Variants in RAB28 observed in about 807,000 individuals in gnomAD.
RAB28 encodes the protein RAB28, member RAS oncogene family, also known as ras-related protein Rab-28.
Under a neutral mutation model 31.7 loss-of-function variants are expected in RAB28, and 24 were observed. The observed-to-expected ratio is 0.76, with a 90% CI of 0.55 to 1.06. The LOEUF is 1.06. Ranked by LOEUF, RAB28 falls within the 50% of genes least tolerant of loss-of-function variation. RAB28 has a pLI of 0.00. For missense variants in RAB28, 254 were observed against 258.5 expected (o/e 0.98, Z 0.12); for synonymous variants, 100 against 90.4 (o/e 1.11, Z -0.60).
intron 4 of RAB28, among the ~76,000 whole-genome samples, chr4:13,391,305 C>T (rs964728874): frequency 1.3e-5 from 2 of 152,194 alleles, no homozygotes; most frequent in Admixed American, 6.5e-5. Flanking sequence ...CATGAAAAAA[C>T]GCTCATCATC....
At chr4:13,371,437 TTAAGTC>T in intron 6 of RAB28, 1 of 985,338 alleles carries the variant, frequency 1.0e-6, no homozygotes, top group Non-Finnish European at 1.2e-6. Flanking sequence ...AAATGTTGGT[TTAAGTC>T]TTATCCTATA....
intron 4 of RAB28, among the ~76,000 whole-genome samples, chr4:13,433,345 A>C (rs1057014917): frequency 1.3e-5 from 2 of 152,162 alleles, no homozygotes; most frequent in Non-Finnish European, 2.9e-5. Flanking sequence ...TGTACAGCAA[A>C]ACTATCAACA....
At chr4:13,468,488 AG>A (rs1173716388) in intron 3 of RAB28, among the ~76,000 whole-genome samples, 1 of 151,994 alleles carries the variant, frequency 6.6e-6, no homozygotes, top group African/African-American at 2.4e-5. Flanking sequence ...CAAGCATCAA[AG>A]AAGTCTCAAA....
intron 4 of RAB28, among the ~76,000 whole-genome samples, chr4:13,431,800 C>G (rs954902606): frequency 6.6e-6 from 1 of 151,896 alleles, no homozygotes; most frequent in Non-Finnish European, 1.5e-5. Context: ...GTAAAAAGCC[C>G]CAAAACAACA....
At position 13,483,707 on chromosome 4, in the gene RAB28, C is replaced by T. The variant is rs531824761; in HGVS notation, c.75+369G>A. Among the ~76,000 whole-genome samples the T allele has an allele frequency of 1.8e-4, 28 of 152,206 alleles. No homozygotes were observed. The South Asian group carries it at 5.4e-3, about 29-fold the overall frequency. ...CACGATGCAGTAGAAGCATCAGAAACGGTAAAGGGGGTGGGAGGGGAGGAG... is the reference window on the plus strand; with the variant it reads ...CACGATGCAGTAGAAGCATCAGAAATGGTAAAGGGGGTGGGAGGGGAGGAG... On this transcript the variant is annotated intron_variant, in intron 1 of 6. Coordinates refer to ENST00000330852, the MANE Select transcript of RAB28 (RefSeq NM_001017979.3).
chr4:13,483,038 G>A (rs1716682130), intron 1 of RAB28, among the ~76,000 whole-genome samples: 1 of 152,126 alleles, frequency 6.6e-6, no homozygotes, highest in Non-Finnish European at 1.5e-5. Flanking sequence ...GGGAGTACAG[G>A]GGTGATAAAC....
chr4:13,437,363 T>C (rs1424740713), intron 4 of RAB28, among the ~76,000 whole-genome samples: 1 of 152,076 alleles, frequency 6.6e-6, no homozygotes, highest in Non-Finnish European at 1.5e-5. Flanking sequence ...AACTGACAAA[T>C]GGGACTTAAT....
At chr4:13,402,980 G>A (rs7678295) in intron 4 of RAB28, among the ~76,000 whole-genome samples, 8,512 of 152,006 alleles carry the variant, frequency 0.056, 547 homozygotes, top group African/African-American at 0.16. Flanking sequence ...ATTTTTGTAG[G>A]AAAGGGGTTT....
chr4:13,407,776 A>G (rs1237202693), intron 4 of RAB28, among the ~76,000 whole-genome samples: 1 of 152,170 alleles, frequency 6.6e-6, no homozygotes, highest in East Asian at 1.9e-4. Flanking sequence ...ATGGGAGTTC[A>G]ATTGTGAATG....
chr4:13,390,272 CAGAG>C (rs1455839837), intron 4 of RAB28, among the ~76,000 whole-genome samples: 1 of 152,110 alleles, frequency 6.6e-6, no homozygotes, highest in African/African-American at 2.4e-5. Context: ...AACAGACAAA[CAGAG>C]AGCCAAACCA....
chr4:13,428,450 C>T (rs1713631011), intron 4 of RAB28, among the ~76,000 whole-genome samples: 2 of 152,064 alleles, frequency 1.3e-5, no homozygotes, highest in Non-Finnish European at 2.9e-5. Flanking sequence ...AAAATATGAG[C>T]AATAAACAGG....
At chr4:13,460,911 A>G in intron 3 of RAB28, 83 bp from the exon 4 acceptor site, 1 of 1,295,338 alleles carries the variant, frequency 7.7e-7, no homozygotes, top group South Asian at 1.3e-5. Context: ...TGCTTCAGAT[A>G]TGTCAAAATG....
chr4:13,415,448 C>T (rs189665835), intron 4 of RAB28, among the ~76,000 whole-genome samples: 1 of 152,262 alleles, frequency 6.6e-6, no homozygotes, highest in Admixed American at 6.5e-5. Flanking sequence ...CAGGCCAGTG[C>T]AAGTTCAGGG....
intron 6 of RAB28, chr4:13,371,267 C>T (rs1194894248): frequency 7.1e-6 from 7 of 985,248 alleles, no homozygotes; most frequent in Non-Finnish European, 8.4e-6. Flanking sequence ...TCAACAGAAG[C>T]ATTACCAACT....
intron 4 of RAB28, among the ~76,000 whole-genome samples, chr4:13,407,657 A>T (rs1389447685): frequency 6.6e-6 from 1 of 152,112 alleles, no homozygotes; most frequent in Non-Finnish European, 1.5e-5. Context: ...ATGTTTTTCC[A>T]TTTGTTTGTG....
At chr4:13,391,378 T>G (rs149527036) in intron 4 of RAB28, among the ~76,000 whole-genome samples, 1 of 152,144 alleles carries the variant, frequency 6.6e-6, no homozygotes. Flanking sequence ...CCAGTTAGAA[T>G]GGCAATCATT....
chr4:13,412,028 A>G (rs1247074721), intron 4 of RAB28, among the ~76,000 whole-genome samples: 1 of 152,004 alleles, frequency 6.6e-6, no homozygotes, highest in African/African-American at 2.4e-5. Context: ...GTCAAAAAAA[A>G]AAAAAAGATA....
At chr4:13,370,297 C>T in intron 6 of RAB28, 2 of 962,770 alleles carry the variant, frequency 2.1e-6, no homozygotes, top group South Asian at 4.8e-5. Context: ...ATATATAATG[C>T]CCAGAATTTC....
intron 4 of RAB28, among the ~76,000 whole-genome samples, chr4:13,448,355 C>G (rs779355885): frequency 6.6e-6 from 1 of 151,902 alleles, no homozygotes; most frequent in African/African-American, 2.4e-5. Flanking sequence ...CTTTTATTAG[C>G]ATTTAATAAA....
Sources: allele counts gnomAD v4.1 joint callset (sites outside exome capture counted in the v4.1 genomes callset), GRCh38; gene constraint gnomAD v4.1.1; transcripts MANE v1.5; gene names NCBI Gene and HGNC (gene_info 2026-07-23, HGNC 2026-07-21).